The following CCDC73 variants were observed in gnomAD, a reference collection of about 807,000 sequenced individuals.
The protein encoded by CCDC73 is coiled-coil domain containing 73.
A neutral mutation model predicts 116.5 loss-of-function variants in CCDC73; 95 were observed. That is an observed-to-expected ratio of 0.82 (90% CI 0.69 to 0.97). The LOEUF is 0.97. CCDC73 is among the 50% of genes least tolerant of loss of function. CCDC73 has a pLI of 0.00. For synonymous variants in CCDC73, 398 were observed against 401.3 expected, an observed-to-expected ratio of 0.99 and a Z score of 0.10; for missense variants, 1,066 against 1,206.8, an observed-to-expected ratio of 0.88 and a Z score of 1.73.
intron 14 of CCDC73, among the ~76,000 whole-genome samples, chr11:32,616,359 C>A (rs1018906420): frequency 1.3e-5 from 2 of 152,190 alleles, no homozygotes; most frequent in African/African-American, 4.8e-5. Flanking sequence ...GATCTTTATA[C>A]ATTTTCAAAC....
chr11:32,608,571 T>C (rs892187870), intron 17 of CCDC73, among the ~76,000 whole-genome samples: 2 of 152,196 alleles, frequency 1.3e-5, no homozygotes, highest in African/African-American at 4.8e-5. Context: ...TCCAGATACA[T>C]AGTGCAAGCT....
intron 2 of CCDC73, among the ~76,000 whole-genome samples, chr11:32,750,892 T>A (rs190382285): frequency 6.6e-6 from 1 of 152,144 alleles, no homozygotes; most frequent in African/African-American, 2.4e-5. Flanking sequence ...TCTCTCCTCA[T>A]AGCCACCATA....
intron 1 of CCDC73, among the ~76,000 whole-genome samples, chr11:32,779,766 T>C (rs1590644303): frequency 6.6e-6 from 1 of 152,222 alleles, no homozygotes; most frequent in South Asian, 2.1e-4. Flanking sequence ...CTCAAAAATA[T>C]CACATGCCTG....
intron 9 of CCDC73, among the ~76,000 whole-genome samples, chr11:32,662,678 G>A (rs1395693748): frequency 1.3e-5 from 2 of 152,104 alleles, no homozygotes; most frequent in African/African-American, 4.8e-5. Context: ...GTGCGCAGAA[G>A]CTCTTTAGTT....
chr11:32,637,499 A>T (rs1478112522), intron 13 of CCDC73, among the ~76,000 whole-genome samples: 1 of 151,944 alleles, frequency 6.6e-6, no homozygotes, highest in Non-Finnish European at 1.5e-5. Flanking sequence ...CATGTTGACT[A>T]CTCTGTTCTT....
At chr11:32,730,279 T>G (rs953425345) in intron 2 of CCDC73, among the ~76,000 whole-genome samples, 1 of 152,240 alleles carries the variant, frequency 6.6e-6, no homozygotes, top group Non-Finnish European at 1.5e-5. Context: ...TACCTAGTAA[T>G]CACTGATTTA....
At chr11:32,812,561 C>A in the CCDC73 span, among the ~76,000 whole-genome samples, 1 of 151,424 alleles carries the variant, frequency 6.6e-6, no homozygotes, top group African/African-American at 2.4e-5. Flanking sequence ...CCCAGCTACT[C>A]GGGAGGCTGA....
At chr11:32,747,426 T>C (rs534056064) in intron 2 of CCDC73, among the ~76,000 whole-genome samples, 2 of 152,286 alleles carry the variant, frequency 1.3e-5, no homozygotes, top group South Asian at 2.1e-4. Flanking sequence ...CATCAGAGCT[T>C]GAACACCATG....
chr11:32,708,103 G>C (rs1228828008), intron 3 of CCDC73, among the ~76,000 whole-genome samples: 2 of 152,160 alleles, frequency 1.3e-5, no homozygotes, highest in African/African-American at 4.8e-5. Context: ...TGAGGTTCTA[G>C]CTTCATTCTT....
At chr11:32,748,029 A>G (rs1411621523) in intron 2 of CCDC73, among the ~76,000 whole-genome samples, 1 of 152,216 alleles carries the variant, frequency 6.6e-6, no homozygotes, top group Non-Finnish European at 1.5e-5. Context: ...CTTCTGCATC[A>G]GTCTCCCTGG....
chr11:32,736,331 C>T (rs955253698), intron 2 of CCDC73, among the ~76,000 whole-genome samples: 7 of 152,020 alleles, frequency 4.6e-5, no homozygotes, highest in Non-Finnish European at 1.0e-4. Context: ...ACAAACAACC[C>T]CATCAAAAAG....
chr11:32,684,985 A>T (rs75880568), intron 6 of CCDC73, among the ~76,000 whole-genome samples: 15,705 of 151,640 alleles, frequency 0.1, 1,057 homozygotes, highest in Non-Finnish European at 0.15. Flanking sequence ...TGTCAAAAAA[A>T]ATATATATAT....
the CCDC73 span, among the ~76,000 whole-genome samples, chr11:32,826,144 C>T: frequency 6.6e-6 from 1 of 152,118 alleles, no homozygotes; most frequent in African/African-American, 2.4e-5. Context: ...AAATAAAATT[C>T]TTAACCCCTT....
intron 1 of CCDC73, among the ~76,000 whole-genome samples, chr11:32,774,701 A>T (rs938342950): frequency 6.6e-6 from 1 of 152,242 alleles, no homozygotes; most frequent in Non-Finnish European, 1.5e-5. Context: ...GCTGTATAAC[A>T]AATAATACCC....
chr11:32,751,887 T>C (rs1177255245), intron 2 of CCDC73, among the ~76,000 whole-genome samples: 1 of 152,170 alleles, frequency 6.6e-6, no homozygotes, highest in Non-Finnish European at 1.5e-5. Flanking sequence ...TTTAAAACAA[T>C]ATTTTATTAG....
At chr11:32,701,482 C>T (rs1214688012) in intron 4 of CCDC73, among the ~76,000 whole-genome samples, 1 of 152,008 alleles carries the variant, frequency 6.6e-6, no homozygotes, top group Non-Finnish European at 1.5e-5. Flanking sequence ...AAGAGAATTG[C>T]TTGAGCCCAA....
At chr11:32,656,028 C>T (rs1007998731) in intron 9 of CCDC73, among the ~76,000 whole-genome samples, 1 of 151,938 alleles carries the variant, frequency 6.6e-6, no homozygotes, top group Non-Finnish European at 1.5e-5. Context: ...AAAGTTAGTA[C>T]CTGGCATCTT....
intron 2 of CCDC73, among the ~76,000 whole-genome samples, chr11:32,746,984 T>C (rs1455667655): frequency 6.6e-6 from 1 of 152,224 alleles, no homozygotes; most frequent in African/African-American, 2.4e-5. Flanking sequence ...AGGAGTTGTG[T>C]TCCTTTGGAG....
intron 2 of CCDC73, among the ~76,000 whole-genome samples, chr11:32,749,240 T>C (rs955717740): frequency 1.3e-5 from 2 of 152,200 alleles, no homozygotes; most frequent in Middle Eastern, 3.4e-3. Flanking sequence ...TCTGACTGTA[T>C]ATTTTCAAAC....
Sources: allele counts gnomAD v4.1 joint callset (sites outside exome capture counted in the v4.1 genomes callset), GRCh38; gene constraint gnomAD v4.1.1; transcripts MANE v1.5; gene names NCBI Gene and HGNC (gene_info 2026-07-23, HGNC 2026-07-21).